Variants in DNAH2 observed in about 807,000 individuals in gnomAD.
DNAH2 encodes axonemal beta dynein heavy chain 2.
Under a neutral mutation model 523.5 loss-of-function variants are expected in DNAH2, and 323 were observed. The observed-to-expected ratio is 0.62, with a 90% CI of 0.56 to 0.68. DNAH2 has a LOEUF of 0.68. Among genes scored for constraint, DNAH2 ranks in the 30% least tolerant of loss-of-function variants. DNAH2 has a pLI of 0.00. For missense variants in DNAH2, 4,907 were observed against 5,701.5 expected (o/e 0.86, Z 4.49); for synonymous variants, 2,093 against 2,177.4 (o/e 0.96, Z 1.08).
intron 42 of DNAH2, 47 bp from the exon 43 acceptor site, chr17:7,787,813 T>C (rs1597658524): frequency 6.5e-7 from 1 of 1,527,264 alleles, no homozygotes; most frequent in Admixed American, 1.9e-5. Flanking sequence ...TTCCTGAAGG[T>C]GGGGGATGCA....
At position 7,796,682 on chromosome 17, in the gene DNAH2, G is replaced by A. The variant is rs1026046459; in HGVS notation, c.7863+30G>A. ...CTCGCGGCCTGACCTTGCCCCTTCT[G>A]CTTGGCCCAGCCTCCGCGGAGGCTT... On this transcript the variant is annotated intron_variant, in intron 50 of 85. Transcript: ENST00000572933. 1.8e-5 allele frequency: 28 copies of A among 1,594,994 alleles called. 1 individual carries two copies. The highest frequency in any genetic ancestry group is 2.2e-5 in the Non-Finnish European group (26 of 1,170,952).
Position 7,739,935 on chromosome 17 carries a change from A to G in DNAH2, c.1373A>G (p.Asn458Ser), listed in dbSNP as rs1374467551. ...AACACCTGTTGGCATGAAGACTACA[A>G]TAAGTGAGGGAACCACAGGCTGATG... ...VKNTCWHEDY[N>S]KFRAGIKDLE... The change falls in exon 9 of 86, where the codon AAT becomes AGT. Residue 458 changes from asparagine to serine, a missense_variant. By Grantham distance (46) the Asn-to-Ser change is conservative (BLOSUM62 1). Transcript: ENST00000572933. The G allele has an allele frequency of 1.2e-6, 2 of 1,613,744 alleles. No homozygotes were observed. The highest frequency in any genetic ancestry group is 1.7e-6 in the Non-Finnish European group (2 of 1,179,766).
rs754851973 is a variant in DNAH2 at position 7,797,403 on chromosome 17, C to T, written c.7953C>T (p.Val2651=). ...TRLWIHECFR[V]FSDRLVDAAD... is the part of the protein sequence containing the mutation. ...CACCCCAGTTCCCTGCCCACAGAGTCTTCTCTGACCGGCTGGTTGATGCGG... is the reference window on the plus strand; with the variant it reads ...CACCCCAGTTCCCTGCCCACAGAGTTTTCTCTGACCGGCTGGTTGATGCGG... The change falls in exon 52 of 86, where the codon GTC becomes GTT. Residue 2651 remains valine (V), a synonymous_variant. Transcript: ENST00000572933. 1.2e-6 allele frequency: 2 copies of T among 1,614,148 alleles called. No homozygotes were observed. The highest frequency in any genetic ancestry group is 2.2e-5 in the East Asian group (1 of 44,880).
intron 44 of DNAH2, among the ~76,000 whole-genome samples, chr17:7,790,309 G>A (rs926060488): frequency 2.0e-5 from 3 of 152,050 alleles, no homozygotes; most frequent in African/African-American, 7.3e-5. Flanking sequence ...GCTCACTGCA[G>A]CCTCAACTTC....
At chr17:7,794,388 G>C in intron 49 of DNAH2, 30 bp downstream of exon 49, 3 of 1,578,054 alleles carry the variant, frequency 1.9e-6, no homozygotes, top group Non-Finnish European at 2.6e-6. Context: ...TGCAGGACGA[G>C]GGGAGGGTAG....
intron 7 of DNAH2, 87 bp from the exon 8 acceptor site, chr17:7,736,980 C>G: frequency 8.6e-7 from 1 of 1,164,696 alleles, no homozygotes; most frequent in South Asian, 1.5e-5. Context: ...AAAACTCCAT[C>G]TAAAATAAAT....
chr17:7,778,716 G>A (rs998511328), intron 35 of DNAH2, among the ~76,000 whole-genome samples: 2 of 152,124 alleles, frequency 1.3e-5, no homozygotes, highest in African/African-American at 2.4e-5. Flanking sequence ...TTACAGGCGT[G>A]TGACACCAAG....
At chr17:7,768,848 T>C (rs2076240884) in intron 24 of DNAH2, among the ~76,000 whole-genome samples, 1 of 152,208 alleles carries the variant, frequency 6.6e-6, no homozygotes, top group Non-Finnish European at 1.5e-5. Flanking sequence ...GTCCTCCAGG[T>C]TCTTCCATGT....
intron 58 of DNAH2, among the ~76,000 whole-genome samples, chr17:7,803,571 G>A (rs1032897237): frequency 2.0e-5 from 3 of 152,174 alleles, no homozygotes; most frequent in African/African-American, 7.2e-5. Context: ...TGGGGAGGCT[G>A]AGGCGGGAGA....
At chr17:7,815,689 T>C (rs930356918) in intron 63 of DNAH2, among the ~76,000 whole-genome samples, 24 of 149,336 alleles carry the variant, frequency 1.6e-4, no homozygotes, top group Admixed American at 8.0e-4. Context: ...CACACATATA[T>C]GGGATCACAC....
intron 39 of DNAH2, among the ~76,000 whole-genome samples, chr17:7,785,259 AC>A (rs2076704611): frequency 1.3e-5 from 2 of 151,708 alleles, no homozygotes; most frequent in African/African-American, 4.8e-5. Flanking sequence ...ACGCCACCAC[AC>A]CCGGCTAATT....
intron 28 of DNAH2, among the ~76,000 whole-genome samples, chr17:7,774,047 T>C (rs1170454817): frequency 2.0e-5 from 3 of 152,174 alleles, no homozygotes; most frequent in Non-Finnish European, 4.4e-5. Flanking sequence ...TCATTCTTAC[T>C]GTAGATCTCA....
Position 7,760,630 on chromosome 17 carries a change from C to A in DNAH2, c.2786-110C>A. 1 of 1,033,258 alleles carries A rather than the reference C, an allele frequency of 9.7e-7. No individual in the cohort carries two copies. Among genetic ancestry groups the A allele is most frequent in the Non-Finnish European group, 1.4e-6 (1 of 708,542 alleles). 64.0% of individuals were successfully genotyped at this position (1,033,258 alleles called of 1,614,324 possible). On this transcript the variant is annotated intron_variant, in intron 17 of 85. Transcript: ENST00000572933. The surrounding 1 kb of genome is among the most constrained non-coding windows in gnomAD (Gnocchi z 4.0). The stretch of plus-strand genomic sequence containing the variant: ...TAATGTGCATGTTTGAGCTGTATTT[C>A]TCTGGGAAGCTGGTTTTAGAGTGGA...
chr17:7,752,031 A>G (rs1234842802), intron 12 of DNAH2, among the ~76,000 whole-genome samples: 1 of 150,616 alleles, frequency 6.6e-6, no homozygotes, highest in Non-Finnish European at 1.5e-5. Flanking sequence ...AGGACCTCCC[A>G]GGCTTATTGA....
intron 63 of DNAH2, among the ~76,000 whole-genome samples, chr17:7,810,593 T>G (rs1170004332): frequency 6.6e-6 from 1 of 152,100 alleles, no homozygotes; most frequent in East Asian, 1.9e-4. Context: ...TTCACCACGT[T>G]GGCCAGGCTG....
chr17:7,767,807 C>A, intron 22 of DNAH2, 93 bp from the exon 23 acceptor site: 2 of 1,541,062 alleles, frequency 1.3e-6, no homozygotes, highest in Non-Finnish European at 1.8e-6. Context: ...AGAGGGGAAG[C>A]TTCACAGAGC....
rs369835211 is a variant in DNAH2 at position 7,781,000 on chromosome 17, C to A, written c.6004-42C>A. ...GCCCTTTGGAGGTGAAAGGCCTAGG[C>A]CCTGCCTCCTCAAGCCTGAGTCTCT... On this transcript the variant is annotated intron_variant, in intron 38 of 85. Coordinates refer to ENST00000572933, the MANE Select transcript of DNAH2 (RefSeq NM_020877.5). The surrounding 1 kb of genome is among the most constrained non-coding windows in gnomAD (Gnocchi z 4.4). 23 of 1,612,964 alleles carry A rather than the reference C, an allele frequency of 1.4e-5. No homozygotes were observed. Among genetic ancestry groups the A allele is most frequent in the Non-Finnish European group, 1.9e-5 (23 of 1,179,988 alleles).
In DNAH2 at chr17:7,804,994, G is replaced by A; in HGVS notation, c.9220G>A (p.Glu3074Lys). The A allele has an allele frequency of 1.9e-6, 3 of 1,614,198 alleles. No individual in the cohort carries two copies. The highest frequency in any genetic ancestry group is 2.5e-6 in the Non-Finnish European group (3 of 1,180,042). ...TANSEKIAVE[E>K]IKCQALADNA... ...CAACAGTGAAAAGATTGCAGTTGAG[G>A]AAATCAAGTGTCAGGCACTGGCTGA... Residue 3074 changes from glutamate to lysine, a missense_variant, in exon 60 of 86, where the codon GAA becomes AAA. This residue lies in a region of DNAH2 where 1,851 missense variants were observed against 2,139.4 expected (regional missense o/e 0.87). Transcript: ENST00000572933.
rs1248163370 is a variant in DNAH2 at position 7,824,708 on chromosome 17, T to C, written c.11834T>C (p.Met3945Thr). Reference protein sequence around the residue: ...PISILQVSIKMTTEPPKGLKA... With the variant: ...PISILQVSIKTTTEPPKGLKA... ...TCAATCTTGCAGGTCAGCATCAAGATGACCACAGAGCCACCAAAGGTATGT... is the reference window on the plus strand; with the variant it reads ...TCAATCTTGCAGGTCAGCATCAAGACGACCACAGAGCCACCAAAGGTATGT... The change falls in exon 77 of 86, where the codon ATG becomes ACG. Residue 3945 changes from methionine (M) to threonine (T), a missense_variant. By Grantham distance (81) the Met-to-Thr change is moderately conservative. Coordinates refer to ENST00000572933, the MANE Select transcript of DNAH2 (RefSeq NM_020877.5). 2 of 1,580,422 alleles carry C rather than the reference T, an allele frequency of 1.3e-6. No homozygotes were observed. Among genetic ancestry groups the C allele is most frequent in the Non-Finnish European group, 1.7e-6 (2 of 1,158,000 alleles).
Sources: allele counts gnomAD v4.1 joint callset (sites outside exome capture counted in the v4.1 genomes callset), GRCh38; gene constraint gnomAD v4.1.1; regional missense constraint gnomAD v4.1.1; non-coding constraint Gnocchi (gnomAD v3.1); transcripts MANE v1.5; gene names NCBI Gene and HGNC (gene_info 2026-07-23, HGNC 2026-07-21).